The following LRRTM4 variants were observed in gnomAD, a reference collection of about 807,000 sequenced individuals.
The protein encoded by LRRTM4 is leucine-rich repeat transmembrane neuronal protein 4.
Under a neutral mutation model 47.6 loss-of-function variants are expected in LRRTM4, and 25 were observed. The observed-to-expected ratio is 0.53, with a 90% CI of 0.38 to 0.73. LRRTM4 has a LOEUF of 0.73. LRRTM4 is among the 30% of genes least tolerant of loss of function. The probability of loss-of-function intolerance (pLI) is 0.00; values close to 1 mark genes in which losing one functional copy is unlikely to be tolerated. For missense variants in LRRTM4, 638 were observed against 713.4 expected, an observed-to-expected ratio of 0.89 and a Z score of 1.20; for synonymous variants, 311 against 269.5, an observed-to-expected ratio of 1.15 and a Z score of -1.51.
At chr2:77,035,020 G>A (rs963220465) in intron 3 of LRRTM4, among the ~76,000 whole-genome samples, 1 of 151,360 alleles carries the variant, frequency 6.6e-6, no homozygotes, top group African/African-American at 2.4e-5. Flanking sequence ...GATTAACTAG[G>A]CTTTTAAAAA....
chr2:77,432,635 A>G (rs1344456581), intron 3 of LRRTM4, among the ~76,000 whole-genome samples: 1 of 152,250 alleles, frequency 6.6e-6, no homozygotes, highest in East Asian at 1.9e-4. Context: ...AGAGATAAGT[A>G]TACTTTTAAG....
intron 3 of LRRTM4, among the ~76,000 whole-genome samples, chr2:76,894,290 A>T (rs1673341961): frequency 6.6e-6 from 1 of 152,038 alleles, no homozygotes; most frequent in Admixed American, 6.6e-5. Context: ...TGAGAATTCA[A>T]GAGCTAATGC....
chr2:77,409,977 T>G (rs1287824003), intron 3 of LRRTM4, among the ~76,000 whole-genome samples: 1 of 152,168 alleles, frequency 6.6e-6, no homozygotes, highest in African/African-American at 2.4e-5. Context: ...CCCAGATTAA[T>G]AAACCTGTCA....
At chr2:76,762,940 G>A (rs907122537) in intron 3 of LRRTM4, among the ~76,000 whole-genome samples, 1 of 152,290 alleles carries the variant, frequency 6.6e-6, no homozygotes, top group Non-Finnish European at 1.5e-5. Flanking sequence ...CTATCCCCTT[G>A]ATGGGTAGAG....
At chr2:77,397,228 G>C (rs899147675) in intron 3 of LRRTM4, among the ~76,000 whole-genome samples, 1 of 151,714 alleles carries the variant, frequency 6.6e-6, no homozygotes, top group African/African-American at 2.4e-5. Flanking sequence ...TCCCATGTTA[G>C]AATAACTTAT....
At chr2:77,069,428 T>TGC in intron 3 of LRRTM4, among the ~76,000 whole-genome samples, 1 of 151,748 alleles carries the variant, frequency 6.6e-6, no homozygotes, top group African/African-American at 2.4e-5. Flanking sequence ...TGTGTGTGTG[T>TGC]GTGTGTGTGT....
chr2:77,069,753 A>T (rs1680088394), intron 3 of LRRTM4, among the ~76,000 whole-genome samples: 1 of 152,114 alleles, frequency 6.6e-6, no homozygotes, highest in South Asian at 2.1e-4. Flanking sequence ...ACAACTCTGT[A>T]TATGTGGGTG....
At chr2:77,440,051 C>A (rs927445884) in intron 3 of LRRTM4, among the ~76,000 whole-genome samples, 4 of 152,142 alleles carry the variant, frequency 2.6e-5, no homozygotes, top group Admixed American at 6.5e-5. Flanking sequence ...TAATTACAGT[C>A]ATGTAGCACT....
chr2:77,389,673 A>T (rs561153160), intron 3 of LRRTM4, among the ~76,000 whole-genome samples: 1 of 152,236 alleles, frequency 6.6e-6, no homozygotes, highest in African/African-American at 2.4e-5. Flanking sequence ...ACTATCAAGA[A>T]GAGCTTAAAA....
chr2:77,476,953 A>C lies in LRRTM4; in HGVS notation c.1551+41365T>G, dbSNP rs796082529. Among the ~76,000 whole-genome samples the C allele has an allele frequency of 1.5e-4, 22 of 143,150 alleles. No individual in the cohort carries two copies. The East Asian group carries it at 4.0e-3, about 26-fold the overall frequency. The allele number at this position is 143,150 out of a possible 152,430, so 93.9% of individuals were successfully genotyped here. ...GTAAATGCAGAATTATGTATAATAA[A>C]TTTGTAAGAGATGTGTGTGTGTGTG... On this transcript the variant is annotated intron_variant, in intron 3 of 3. Coordinates refer to ENST00000409884, the MANE Select transcript of LRRTM4 (RefSeq NM_001134745.3).
intron 3 of LRRTM4, among the ~76,000 whole-genome samples, chr2:76,947,596 TAAA>T (rs915680223): frequency 1.3e-5 from 2 of 151,686 alleles, no homozygotes; most frequent in African/African-American, 4.8e-5. Context: ...TAGACTAAAA[TAAA>T]AAAAATGAAA....
intron 3 of LRRTM4, among the ~76,000 whole-genome samples, chr2:76,906,997 T>C (rs1336766870): frequency 6.6e-6 from 1 of 151,918 alleles, no homozygotes; most frequent in African/African-American, 2.4e-5. Context: ...CCAAGCAGAA[T>C]AGACATCTAC....
intron 3 of LRRTM4, among the ~76,000 whole-genome samples, chr2:77,058,645 T>C (rs1285245041): frequency 2.0e-5 from 3 of 152,102 alleles, no homozygotes; most frequent in Non-Finnish European, 4.4e-5. Context: ...TAGAATATTA[T>C]TCATTTGCTT....
chr2:76,949,362 A>G (rs1356968153), intron 3 of LRRTM4, among the ~76,000 whole-genome samples: 1 of 151,936 alleles, frequency 6.6e-6, no homozygotes, highest in African/African-American at 2.4e-5. Flanking sequence ...ATTCGCTCTC[A>G]TGGAATTCAC....
At chr2:76,903,136 C>G (rs1022937597) in intron 3 of LRRTM4, among the ~76,000 whole-genome samples, 1 of 152,070 alleles carries the variant, frequency 6.6e-6, no homozygotes, top group African/African-American at 2.4e-5. Flanking sequence ...CTTTGGGAGG[C>G]CAAGGTGGGT....
rs185406802 is a variant in LRRTM4, at chr2:76,785,968, C to A, written c.1552-37052G>T. On this transcript the variant is annotated intron_variant, in intron 3 of 3. Transcript: ENST00000409884. ...GCAAAAGGTAATCAATTGCACTTGA[C>A]GGACTTCTGAACAATATGCAATTTA... Among the ~76,000 whole-genome samples, 1,309 of 152,218 alleles carry A rather than the reference C, an allele frequency of 8.6e-3. 10 individuals are homozygous for A. Among genetic ancestry groups the A allele is most frequent in the Non-Finnish European group, 0.014 (919 of 67,980 alleles).
intron 3 of LRRTM4, among the ~76,000 whole-genome samples, chr2:76,858,817 G>A (rs938409991): frequency 2.0e-5 from 3 of 152,062 alleles, no homozygotes; most frequent in African/African-American, 7.2e-5. Flanking sequence ...TTTGACCTGA[G>A]TTTCTTTCTA....
intron 3 of LRRTM4, among the ~76,000 whole-genome samples, chr2:77,122,545 C>CACACAT (rs1409761191): frequency 6.6e-6 from 1 of 150,588 alleles, no homozygotes; most frequent in Non-Finnish European, 1.5e-5. Flanking sequence ...GATATACACA[C>CACACAT]ACACATACAC....
At chr2:76,780,001 T>C (rs538116348) in intron 3 of LRRTM4, among the ~76,000 whole-genome samples, 185 of 152,278 alleles carry the variant, frequency 1.2e-3, no homozygotes, top group African/African-American at 4.2e-3. Flanking sequence ...TAAAGTATTT[T>C]ATTTCTCCTT....
Sources: allele counts gnomAD v4.1 joint callset (sites outside exome capture counted in the v4.1 genomes callset), GRCh38; gene constraint gnomAD v4.1.1; transcripts MANE v1.5; gene names NCBI Gene and HGNC (gene_info 2026-07-23, HGNC 2026-07-21).